The following SNTG1 variants were observed in gnomAD, a reference collection of about 807,000 sequenced individuals.
The protein encoded by SNTG1 is gamma-1-syntrophin.
SNTG1 carries 39 observed loss-of-function variants against 74.7 expected under a neutral mutation model. The observed-to-expected ratio is 0.52, with a 90% CI of 0.40 to 0.68. The LOEUF (loss-of-function observed/expected upper bound fraction) is 0.68, where lower values mean the gene tolerates loss of function less well. Among genes scored for constraint, SNTG1 ranks in the 30% least tolerant of loss-of-function variants. SNTG1 has a pLI of 0.00. For synonymous variants in SNTG1, 254 were observed against 217.1 expected, an observed-to-expected ratio of 1.17 and a Z score of -1.49; for missense variants, 685 against 609.5, an observed-to-expected ratio of 1.12 and a Z score of -1.30.
chr8:50,171,603 C>A lies in SNTG1; in HGVS notation c.-102-958C>A, dbSNP rs2082811038. ...ACACCCAGGTTCAATACTTTGCATC[C>A]TTCAATCCAATTAAGTTGACACTGA... On this transcript the variant is annotated intron_variant, in intron 1 of 18. Transcript: ENST00000642720. 2.6e-5 allele frequency among the ~76,000 whole-genome samples: 4 copies of A among 152,182 alleles called. No individual in the cohort carries two copies. The South Asian group carries it at 8.3e-4, about 31-fold the overall frequency.
At chr8:50,345,198 CTGTACCTTTTATACAA>C (rs1232279669) in intron 2 of SNTG1, among the ~76,000 whole-genome samples, 3 of 152,220 alleles carry the variant, frequency 2.0e-5, no homozygotes, top group Non-Finnish European at 4.4e-5. Flanking sequence ...CCCTTCTCTT[CTGTACCTTTTATACAA>C]TGGTGGAACA....
At chr8:50,006,402 ATTTG>A (rs1159623523) in intron 1 of SNTG1, among the ~76,000 whole-genome samples, 1 of 151,884 alleles carries the variant, frequency 6.6e-6, no homozygotes, top group African/African-American at 2.4e-5. Context: ...GTAATTTGTG[ATTTG>A]TTTAATTATT....
Position 50,364,937 on chromosome 8 carries a change from G to C in SNTG1, c.-27-29275G>C, listed in dbSNP as rs368503323. Among the ~76,000 whole-genome samples the C allele has an allele frequency of 3.5e-3, 535 of 151,852 alleles. 4 individuals are homozygous for C. The highest frequency in any genetic ancestry group is 0.021 in the South Asian group (101 of 4,808). ...TTTTCAAACAGAAAAAATCATTTAA[G>C]GCTTTTTGCAAAACCATAACAAATG... On this transcript the variant is annotated intron_variant, in intron 2 of 18. Transcript: ENST00000642720.
intron 4 of SNTG1, among the ~76,000 whole-genome samples, chr8:50,432,587 T>C (rs932002665): frequency 6.6e-6 from 1 of 152,112 alleles, no homozygotes; most frequent in African/African-American, 2.4e-5. Context: ...GCATAGATTT[T>C]AAAAATCAAG....
intron 1 of SNTG1, among the ~76,000 whole-genome samples, chr8:50,153,454 T>C (rs1282685856): frequency 6.6e-6 from 1 of 152,254 alleles, no homozygotes; most frequent in African/African-American, 2.4e-5. Flanking sequence ...AGGAGCTGTG[T>C]TCCTTTGGAG....
chr8:50,420,678 A>G (rs1406080900), intron 4 of SNTG1, among the ~76,000 whole-genome samples: 1 of 152,138 alleles, frequency 6.6e-6, no homozygotes, highest in African/African-American at 2.4e-5. Context: ...AAATTTTAAC[A>G]TTGCCTAATG....
intron 8 of SNTG1, among the ~76,000 whole-genome samples, chr8:50,461,957 C>G (rs563168742): frequency 2.1e-4 from 32 of 152,066 alleles, no homozygotes; most frequent in African/African-American, 7.0e-4. Flanking sequence ...GTATACATGC[C>G]TGTTCATATA....
At chr8:50,606,821 A>G (rs1326186713) in intron 13 of SNTG1, among the ~76,000 whole-genome samples, 1 of 151,486 alleles carries the variant, frequency 6.6e-6, no homozygotes, top group Non-Finnish European at 1.5e-5. Context: ...GACTATTAAT[A>G]AATATACTGT....
chr8:50,359,464 A>G (rs1314266940), intron 2 of SNTG1, among the ~76,000 whole-genome samples: 3 of 152,192 alleles, frequency 2.0e-5, no homozygotes, highest in Non-Finnish European at 4.4e-5. Flanking sequence ...CTATAAAACA[A>G]TATAACCCTG....
chr8:50,586,400 C>A (rs760114191), intron 12 of SNTG1, among the ~76,000 whole-genome samples: 12 of 152,126 alleles, frequency 7.9e-5, no homozygotes, highest in Non-Finnish European at 1.6e-4. Context: ...CCAGATCTGT[C>A]TGACTGCACA....
intron 9 of SNTG1, among the ~76,000 whole-genome samples, chr8:50,504,536 A>G (rs963709096): frequency 6.6e-6 from 1 of 152,182 alleles, no homozygotes; most frequent in African/African-American, 2.4e-5. Context: ...CCATGCGTGT[A>G]ATCCCAGCAT....
intron 8 of SNTG1, among the ~76,000 whole-genome samples, chr8:50,485,403 T>A (rs183321245): frequency 6.8e-6 from 1 of 147,922 alleles, no homozygotes; most frequent in African/African-American, 2.4e-5. Context: ...TCTCTTATAC[T>A]TTTTTTTCCT....
At chr8:50,510,909 A>G (rs2094066212) in intron 9 of SNTG1, among the ~76,000 whole-genome samples, 1 of 151,778 alleles carries the variant, frequency 6.6e-6, no homozygotes, top group African/African-American at 2.4e-5. Flanking sequence ...TTGTGTCTCT[A>G]TTTCCTTCAT....
chr8:50,566,047 A>G (rs971461956), intron 12 of SNTG1, among the ~76,000 whole-genome samples: 3 of 151,922 alleles, frequency 2.0e-5, no homozygotes, highest in Admixed American at 6.6e-5. Context: ...GACTCAATTT[A>G]TTTTTTAAGG....
At chr8:50,634,288 C>T (rs900578) in intron 13 of SNTG1, among the ~76,000 whole-genome samples, 21,562 of 152,168 alleles carry the variant, frequency 0.14, 4,052 homozygotes, top group African/African-American at 0.42. Flanking sequence ...ATTAAAGCCT[C>T]CTTTTCTGTG....
At chr8:50,629,408 A>T (rs550934550) in intron 13 of SNTG1, among the ~76,000 whole-genome samples, 3 of 151,960 alleles carry the variant, frequency 2.0e-5, no homozygotes, top group Non-Finnish European at 4.4e-5. Flanking sequence ...ATTTTTTTCC[A>T]CTCAAATCTA....
intron 13 of SNTG1, among the ~76,000 whole-genome samples, chr8:50,618,915 A>G (rs527404932): frequency 0.03 from 4,323 of 142,508 alleles, 198 homozygotes; most frequent in African/African-American, 0.11. Flanking sequence ...GTGTGTATAT[A>G]TATATATGTC....
intron 2 of SNTG1, among the ~76,000 whole-genome samples, chr8:50,221,028 C>A (rs548433659): frequency 6.6e-6 from 1 of 152,190 alleles, no homozygotes; most frequent in Non-Finnish European, 1.5e-5. Context: ...GTCCATAAAA[C>A]CAGTACTGGT....
intron 2 of SNTG1, among the ~76,000 whole-genome samples, chr8:50,271,757 T>A (rs2087791691): frequency 6.6e-6 from 1 of 152,158 alleles, no homozygotes; most frequent in Non-Finnish European, 1.5e-5. Flanking sequence ...CTCTGGGAAT[T>A]CTCTGGGAAT....
Sources: allele counts gnomAD v4.1 joint callset (sites outside exome capture counted in the v4.1 genomes callset), GRCh38; gene constraint gnomAD v4.1.1; transcripts MANE v1.5; gene names NCBI Gene and HGNC (gene_info 2026-07-23, HGNC 2026-07-21).